Variants in EMC3 observed in about 807,000 individuals in gnomAD.
EMC3 encodes 30 kDa protein.
Under a neutral mutation model 36.6 loss-of-function variants are expected in EMC3, and 13 were observed. The ratio of observed to expected loss-of-function variants is 0.35; its 90% CI spans 0.23 to 0.56. The LOEUF (loss-of-function observed/expected upper bound fraction) is 0.56, where lower values mean the gene tolerates loss of function less well. Among genes scored for constraint, EMC3 ranks in the 20% least tolerant of loss-of-function variants. The probability of loss-of-function intolerance (pLI) is 0.84; values close to 1 mark genes in which losing one functional copy is unlikely to be tolerated. For missense variants in EMC3, 220 were observed against 324.5 expected (o/e 0.68, Z 2.47); for synonymous variants, 120 against 111.9 (o/e 1.07, Z -0.46).
upstream of EMC3, chr3:9,987,023 G>A: frequency 9.8e-7 from 1 of 1,024,388 alleles, no homozygotes. Context: ...AGACCATCCT[G>A]GCTAACAGGT....
intron 7 of EMC3, among the ~76,000 whole-genome samples, chr3:9,965,252 A>T (rs557529012): frequency 9.9e-5 from 15 of 151,670 alleles, no homozygotes; most frequent in African/African-American, 1.9e-4. Flanking sequence ...ATACAAATTT[A>T]AAAAAAAATT....
chr3:9,967,887 G>T (rs1483337992), intron 7 of EMC3, among the ~76,000 whole-genome samples: 1 of 152,134 alleles, frequency 6.6e-6, no homozygotes, highest in African/African-American at 2.4e-5. Flanking sequence ...GCAATGTTTT[G>T]TAATTTTTCA....
rs1015931293 is a variant in EMC3, at chr3:9,973,653, C to T, written c.469G>A (p.Glu157Lys). The T allele has an allele frequency of 5.0e-6, 8 of 1,614,002 alleles. No homozygotes were observed. The African/African-American group carries it at 6.7e-5, about 13-fold the overall frequency. ...RFKPMLQQGI[E>K]LLTLDASWVS... ...CAGGATGCATCTAATGTGAGTAGCT[C>T]GATTCCTTGCTGTAACATAGGCTTA... The change falls in exon 5 of 8, where the codon GAG becomes AAG. Residue 157 changes from glutamate to lysine, a missense_variant. Transcript: ENST00000245046.
upstream of EMC3, chr3:9,988,439 A>G: frequency 7.4e-7 from 1 of 1,356,566 alleles, no homozygotes. Flanking sequence ...AAAGTCAGCT[A>G]TTAGATATGA....
intron 7 of EMC3, among the ~76,000 whole-genome samples, chr3:9,965,423 T>TAGATAGAC (rs1559348447): frequency 7.3e-6 from 1 of 137,000 alleles, no homozygotes; most frequent in African/African-American, 2.7e-5. Context: ...CCTCGATAGA[T>TAGATAGAC]AGATAGATAG....
At chr3:10,005,750 G>A (rs2086255457) in intron 1 of EMC3, among the ~76,000 whole-genome samples, 1 of 152,056 alleles carries the variant, frequency 6.6e-6, no homozygotes, top group South Asian at 2.1e-4. Context: ...GGTGGCCATG[G>A]GATTTCAGGC....
At chr3:9,964,297 T>A in intron 7 of EMC3, 100 bp from the exon 8 acceptor site, 1 of 1,513,708 alleles carries the variant, frequency 6.6e-7, no homozygotes. Context: ...AAAGCTGGAG[T>A]GAGCTATCTG....
At chr3:9,986,944 G>T (rs1054346230), upstream of EMC3, 16 of 1,207,048 alleles carry the variant, frequency 1.3e-5, no homozygotes, top group Admixed American at 7.6e-5. Flanking sequence ...GCCCAGGCTC[G>T]GTGGCTCACT....
chr3:9,970,484 A>C, intron 6 of EMC3, 98 bp downstream of exon 6: 1 of 1,290,716 alleles, frequency 7.7e-7, no homozygotes, highest in Non-Finnish European at 1.1e-6. Context: ...TTATTTGACT[A>C]TGGTAACAAA....
intron 1 of EMC3, among the ~76,000 whole-genome samples, chr3:9,998,848 C>G (rs943297097): frequency 5.4e-4 from 82 of 151,988 alleles, no homozygotes; most frequent in African/African-American, 1.9e-3. Context: ...CCTCCACTTC[C>G]GAGGCTCAAG....
rs140482890 is a variant in EMC3, at chr3:9,986,179, G to A, written c.155+328C>T. ...TGGCACTCTTCTCAACGGAAGGGTG[G>A]GATGGAATAGTTCATAGGTAAACCC... On this transcript the variant is annotated intron_variant, in intron 1 of 7. Transcript: ENST00000245046. Among the ~76,000 whole-genome samples, 427 of 152,150 alleles carry A rather than the reference G, an allele frequency of 2.8e-3. 3 individuals carry two copies. Among genetic ancestry groups the A allele is most frequent in the African/African-American group, 9.9e-3 (410 of 41,516 alleles).
chr3:9,965,072 G>C (rs951824458), intron 7 of EMC3, among the ~76,000 whole-genome samples: 7 of 146,936 alleles, frequency 4.8e-5, no homozygotes, highest in Non-Finnish European at 8.9e-5. Flanking sequence ...GATGAGCCTA[G>C]AGATAGTAAT....
At chr3:9,993,854 TG>T (rs763902224) in intron 1 of EMC3, among the ~76,000 whole-genome samples, 23 of 152,272 alleles carry the variant, frequency 1.5e-4, no homozygotes, top group African/African-American at 5.5e-4. Flanking sequence ...GGAACATCCC[TG>T]GGGGGTCGTG....
At chr3:10,006,834 C>G (rs997034144) in intron 1 of EMC3, 1 of 424,864 alleles carries the variant, frequency 2.4e-6, no homozygotes, top group African/African-American at 2.1e-5. Context: ...CCCTGAGGTC[C>G]AAGAACATTG....
intron 5 of EMC3, among the ~76,000 whole-genome samples, chr3:9,971,073 C>A (rs13092911): frequency 0.21 from 32,177 of 151,996 alleles, 3,869 homozygotes; most frequent in African/African-American, 0.32. Flanking sequence ...CAGGCACACA[C>A]CACCATGCCT....
At chr3:9,971,755 A>G (rs2085787506) in intron 5 of EMC3, among the ~76,000 whole-genome samples, 2 of 152,242 alleles carry the variant, frequency 1.3e-5, no homozygotes, top group Admixed American at 1.3e-4. Flanking sequence ...AGAACTGTGC[A>G]TGGCCCAGCC....
intron 3 of EMC3, among the ~76,000 whole-genome samples, chr3:9,975,917 T>C (rs2085844635): frequency 1.3e-5 from 2 of 152,128 alleles, no homozygotes; most frequent in Admixed American, 6.6e-5. Context: ...CTTTTGTTTC[T>C]TGTAAATTTT....
chr3:9,991,829 G>A (rs866277572), upstream of EMC3, among the ~76,000 whole-genome samples: 1 of 152,160 alleles, frequency 6.6e-6, no homozygotes, highest in African/African-American at 2.4e-5. Context: ...AGACCGTTTC[G>A]GGGCATGATT....
chr3:9,992,965 G>T, intron 1 of EMC3: 1 of 1,606,984 alleles, frequency 6.2e-7, no homozygotes, highest in Non-Finnish European at 8.5e-7. Flanking sequence ...CGATCAGGCT[G>T]CATTCAAGAA....
Sources: gnomAD v4.1 joint callset for allele counts (sites outside exome capture counted in the v4.1 genomes callset) on GRCh38, gnomAD v4.1.1 for gene constraint, MANE v1.5 for transcripts, NCBI Gene and HGNC (gene_info 2026-07-23, HGNC 2026-07-21) for gene names.